The following CYB5R2 variants were observed in gnomAD, a reference collection of about 807,000 sequenced individuals.
CYB5R2 encodes cytochrome b5 reductase 2.
In CYB5R2, 35 loss-of-function variants were observed where a neutral mutation model predicts 29.8. That is an observed-to-expected ratio of 1.17 (90% CI 0.90 to 1.56). The LOEUF is 1.56. Among genes scored for constraint, CYB5R2 ranks in the 40% most tolerant of loss-of-function variants. The probability of loss-of-function intolerance (pLI) is 0.00; values close to 1 mark genes in which losing one functional copy is unlikely to be tolerated. For synonymous variants in CYB5R2, 169 were observed against 130.6 expected, an observed-to-expected ratio of 1.29 and a Z score of -2.01; for missense variants, 419 against 346.7, an observed-to-expected ratio of 1.21 and a Z score of -1.66.
In CYB5R2 at chr11:7,665,519, G is replaced by A. The variant is rs767960968; in HGVS notation, c.686C>T (p.Thr229Ile). Residue 229 changes from threonine (T) to isoleucine (I), a missense_variant, in exon 9 of 9, where the codon ACT becomes ATT. Physicochemically the swap from Thr to Ile is moderately conservative, Grantham distance 89 (BLOSUM62 -1). Transcript: ENST00000299498. ...IGWKYSSGFV[T>I]ADMIKEHLPP... ...AAGGTGCTCCTTGATCATGTCGGCA[G>A]TAACGAAGCCTGAGCTGTACTTCCA... The A allele has an allele frequency of 3.1e-6, 5 of 1,612,010 alleles. No individual in the cohort carries two copies. The South Asian group carries it at 3.3e-5, about 11-fold the overall frequency.
upstream of CYB5R2, chr11:7,673,634 G>T: frequency 1.0e-6 from 1 of 985,158 alleles, no homozygotes; most frequent in East Asian, 1.1e-4. Context: ...GCCGGCCTCC[G>T]CGCCTCTGGC....
At chr11:7,666,419 C>A (rs1196881171) in intron 8 of CYB5R2, 32 bp downstream of exon 8, 1 of 1,429,510 alleles carries the variant, frequency 7.0e-7, no homozygotes, top group South Asian at 1.1e-5. Flanking sequence ...TTGGTGCTGA[C>A]CCATGGTGAG....
intron 5 of CYB5R2, chr11:7,669,000 C>A: frequency 1.4e-6 from 1 of 708,838 alleles, no homozygotes; most frequent in South Asian, 1.5e-5. Flanking sequence ...AACACCAAGT[C>A]ATTCCCCTAC....
chr11:7,667,594 G>C (rs1855384412), intron 7 of CYB5R2, 134 bp downstream of exon 7: 1 of 808,780 alleles, frequency 1.2e-6, no homozygotes, highest in Admixed American at 2.0e-5. Flanking sequence ...CAGCAGCCCT[G>C]TTGATCCCAC....
Position 7,669,235 on chromosome 11 carries a change from G to A in CYB5R2, c.358C>T (p.Pro120Ser), listed in dbSNP as rs1217154740. ...CCATGGTAAAACAAGCGTCCCCTTGGCCCTCGAAAAAAGATGGTCTCCCCG... is the reference window on the plus strand; with the variant it reads ...CCATGGTAAAACAAGCGTCCCCTTGACCCTCGAAAAAAGATGGTCTCCCCG... Reference protein sequence around the residue: ...KIGETIFFRGPRGRLFYHGPG... With the variant: ...KIGETIFFRGSRGRLFYHGPG... The change falls in exon 5 of 9, where the codon CCA becomes TCA. Residue 120 changes from proline to serine, a missense_variant. Pro to Ser is a moderately conservative substitution (Grantham distance 74). Transcript: ENST00000299498. The A allele has an allele frequency of 6.2e-7, 1 of 1,613,896 alleles. No homozygotes were observed. The highest frequency in any genetic ancestry group is 8.5e-7 in the Non-Finnish European group (1 of 1,179,992).
At chr11:7,671,423 C>A (rs978311376) in intron 3 of CYB5R2, 3 of 152,286 alleles carry the variant, frequency 2.0e-5, no homozygotes, top group Non-Finnish European at 4.4e-5. Context: ...CGGCCTAGGC[C>A]AAGGCTGAGG....
At chr11:7,666,196 C>T in intron 8 of CYB5R2, 2 of 589,484 alleles carry the variant, frequency 3.4e-6, no homozygotes, top group South Asian at 4.1e-5. Flanking sequence ...GGGGCAGTGT[C>T]CCTTTTGATG....
chr11:7,668,082 A>T (rs1471799498), intron 6 of CYB5R2, among the ~76,000 whole-genome samples: 1 of 151,872 alleles, frequency 6.6e-6, no homozygotes, highest in Non-Finnish European at 1.5e-5. Flanking sequence ...TGACGGGTAA[A>T]TGTGATCGTT....
At chr11:7,672,300 C>T in intron 3 of CYB5R2, 151 bp downstream of exon 3, 3 of 631,856 alleles carry the variant, frequency 4.7e-6, no homozygotes, top group Non-Finnish European at 8.4e-6. Context: ...CCACATCCAT[C>T]CCCCTATCTA....
upstream of CYB5R2, chr11:7,674,099 C>T: frequency 8.3e-7 from 1 of 1,203,536 alleles, no homozygotes; most frequent in South Asian, 1.5e-5. Context: ...ACACTGAGCG[C>T]CCCTCAGCTT....
upstream of CYB5R2, chr11:7,673,760 G>GA: frequency 1.0e-6 from 1 of 983,834 alleles, no homozygotes; most frequent in South Asian, 4.7e-5. Context: ...GGGGTTGGCC[G>GA]GGGGCCGCTC....
chr11:7,669,756 A>T (rs1326149519), intron 3 of CYB5R2, 25 bp from the exon 4 acceptor site: 1 of 1,538,194 alleles, frequency 6.5e-7, no homozygotes, highest in East Asian at 2.2e-5. Context: ...TCAAGCACTG[A>T]GTCAAAGCAT....
At chr11:7,672,642 A>ACACACC (rs2136133113) in intron 2 of CYB5R2, 106 bp downstream of exon 2, 2 of 1,471,028 alleles carry the variant, frequency 1.4e-6, no homozygotes, top group Non-Finnish European at 1.9e-6. Context: ...ACACACACAC[A>ACACACC]GGGCGGCGGG....
intron 4 of CYB5R2, 120 bp downstream of exon 4, chr11:7,669,505 C>T: frequency 8.3e-7 from 1 of 1,211,822 alleles, no homozygotes; most frequent in Non-Finnish European, 1.2e-6. Flanking sequence ...TGTAGCTTCA[C>T]TGCTGGAAAG....
At chr11:7,668,623 C>CACTG (rs1855515467) in intron 5 of CYB5R2, 62 bp from the exon 6 acceptor site, 20 of 1,333,268 alleles carry the variant, frequency 1.5e-5, no homozygotes, top group Non-Finnish European at 2.2e-5. Flanking sequence ...TGCAAAAGAT[C>CACTG]ACTGACATTC....
At chr11:7,665,826 C>T in intron 8 of CYB5R2, 7 of 1,533,070 alleles carry the variant, frequency 4.6e-6, no homozygotes, top group Non-Finnish European at 5.2e-6. Context: ...ACGAGGTATA[C>T]CGAGGTGTGT....
intron 6 of CYB5R2, 141 bp from the exon 7 acceptor site, chr11:7,667,954 G>C: frequency 1.5e-6 from 1 of 687,212 alleles, no homozygotes; most frequent in Non-Finnish European, 2.6e-6. Flanking sequence ...GCAGGAAACA[G>C]CCCTTCATTT....
chr11:7,667,868 C>G (rs1049805937), intron 6 of CYB5R2, 55 bp from the exon 7 acceptor site: 2 of 1,412,368 alleles, frequency 1.4e-6, no homozygotes, highest in Non-Finnish European at 2.0e-6. Context: ...AGCCCACAGT[C>G]CCTGACCTGC....
At chr11:7,668,925 C>T in intron 5 of CYB5R2, 1 of 594,206 alleles carries the variant, frequency 1.7e-6, no homozygotes, top group South Asian at 1.9e-5. Context: ...ATCCATTTTT[C>T]AGTATTAGCA....
Sources: allele counts gnomAD v4.1 joint callset (sites outside exome capture counted in the v4.1 genomes callset), GRCh38; gene constraint gnomAD v4.1.1; transcripts MANE v1.5; gene names NCBI Gene and HGNC (gene_info 2026-07-23, HGNC 2026-07-21).